The following CAMK4 variants were observed in gnomAD, a reference collection of about 807,000 sequenced individuals.
The protein encoded by CAMK4 is calcium/calmodulin-dependent protein kinase type IV.
Under a neutral mutation model 44.9 loss-of-function variants are expected in CAMK4, and 22 were observed. That is an observed-to-expected ratio of 0.49 (90% CI 0.35 to 0.70). The LOEUF (loss-of-function observed/expected upper bound fraction) is 0.70, where lower values mean the gene tolerates loss of function less well. Ranked by LOEUF, CAMK4 falls within the 30% of genes least tolerant of loss-of-function variation. The pLI, the probability that CAMK4 is intolerant of heterozygous loss-of-function variation, is 0.01. For missense variants in CAMK4, 498 were observed against 586.8 expected, an observed-to-expected ratio of 0.85 and a Z score of 1.56; for synonymous variants, 218 against 215.4, an observed-to-expected ratio of 1.01 and a Z score of -0.11.
chr5:111,298,960 ATCTC>A (rs1366471200), intron 1 of CAMK4, among the ~76,000 whole-genome samples: 1 of 152,236 alleles, frequency 6.6e-6, no homozygotes. Flanking sequence ...GATGGTGGGC[ATCTC>A]TAGGCTCTGG....
intron 8 of CAMK4, among the ~76,000 whole-genome samples, chr5:111,475,502 C>T (rs761909087): frequency 3.9e-5 from 6 of 152,102 alleles, no homozygotes; most frequent in Non-Finnish European, 7.4e-5. Flanking sequence ...TTTATTGTAA[C>T]CCTGAAGATA....
At chr5:111,314,750 C>T (rs530826013) in intron 1 of CAMK4, among the ~76,000 whole-genome samples, 39 of 152,030 alleles carry the variant, frequency 2.6e-4, no homozygotes, top group African/African-American at 9.4e-4. Flanking sequence ...TTGAAAATAC[C>T]ATTTCTGTCT....
chr5:111,399,544 A>G (rs1015160178), intron 5 of CAMK4, among the ~76,000 whole-genome samples: 4 of 152,236 alleles, frequency 2.6e-5, no homozygotes, highest in African/African-American at 9.6e-5. Flanking sequence ...AAAACAGTAC[A>G]TGACAAAGTA....
intron 1 of CAMK4, among the ~76,000 whole-genome samples, chr5:111,231,122 G>A (rs371620295): frequency 6.6e-5 from 10 of 152,194 alleles, no homozygotes; most frequent in African/African-American, 2.2e-4. Flanking sequence ...TCTAAATATC[G>A]AAGGCATAGT....
chr5:111,418,070 G>C (rs932042088), intron 5 of CAMK4, among the ~76,000 whole-genome samples: 1 of 152,054 alleles, frequency 6.6e-6, no homozygotes, highest in Non-Finnish European at 1.5e-5. Flanking sequence ...ATCTGTTGGG[G>C]AATCTGCCCC....
chr5:111,354,064 G>A (rs1304522304), intron 2 of CAMK4, among the ~76,000 whole-genome samples: 1 of 152,204 alleles, frequency 6.6e-6, no homozygotes, highest in Non-Finnish European at 1.5e-5. Context: ...GCTTCTGTCT[G>A]TCAAAAGATG....
At chr5:111,269,860 C>G (rs143412290) in intron 1 of CAMK4, 1 of 152,248 alleles carries the variant, frequency 6.6e-6, no homozygotes, top group Non-Finnish European at 1.5e-5. Flanking sequence ...CACAGGGAAG[C>G]GTGCCACTAA....
At chr5:111,414,411 G>GCAACAACAC (rs1580721047) in intron 5 of CAMK4, among the ~76,000 whole-genome samples, 1 of 152,158 alleles carries the variant, frequency 6.6e-6, no homozygotes, top group East Asian at 1.9e-4. Context: ...AGCAACAGCA[G>GCAACAACAC]CAACAACACC....
At chr5:111,266,178 C>T (rs959556143) in intron 1 of CAMK4, 1 of 145,044 alleles carries the variant, frequency 6.9e-6, no homozygotes, top group Non-Finnish European at 1.5e-5. Context: ...AGAAGGTTTC[C>T]TAAATAAATA....
chr5:111,279,518 T>C (rs918765538), intron 1 of CAMK4, among the ~76,000 whole-genome samples: 11 of 152,216 alleles, frequency 7.2e-5, no homozygotes, highest in African/African-American at 2.7e-4. Flanking sequence ...CAGAGAGTGA[T>C]CTTTTTCCTT....
chr5:111,360,556 A>T (rs1273100698), intron 2 of CAMK4, among the ~76,000 whole-genome samples: 1 of 152,126 alleles, frequency 6.6e-6, no homozygotes, highest in Non-Finnish European at 1.5e-5. Flanking sequence ...AATATCAGAG[A>T]TGGAGAAATA....
chr5:111,325,407 T>A (rs1254799539), intron 1 of CAMK4, among the ~76,000 whole-genome samples: 1 of 152,112 alleles, frequency 6.6e-6, no homozygotes, highest in Non-Finnish European at 1.5e-5. Context: ...CAAATGGTAT[T>A]TCTGGTTCTA....
At chr5:111,346,538 C>T (rs913991132) in intron 2 of CAMK4, among the ~76,000 whole-genome samples, 1 of 150,374 alleles carries the variant, frequency 6.7e-6, no homozygotes, top group African/African-American at 2.5e-5. Flanking sequence ...CTATTTCCAA[C>T]CATCTTGTTT....
At chr5:111,289,773 T>A (rs1488238458) in intron 1 of CAMK4, among the ~76,000 whole-genome samples, 1 of 152,238 alleles carries the variant, frequency 6.6e-6, no homozygotes, top group Non-Finnish European at 1.5e-5. Context: ...ATTATCACAG[T>A]GCACCAAAAG....
chr5:111,230,258 A>G (rs183515861), intron 1 of CAMK4, among the ~76,000 whole-genome samples: 221 of 152,074 alleles, frequency 1.5e-3, no homozygotes, highest in African/African-American at 5.0e-3. Flanking sequence ...AAATAATGTC[A>G]CTTTTCTGTT....
rs1217513799 is a variant in CAMK4 at position 111,487,138 on chromosome 5, A to T, written c.*2672A>T. On this transcript the variant is annotated 3_prime_UTR_variant, in exon 11 of 11. Coordinates refer to ENST00000282356, the MANE Select transcript of CAMK4 (RefSeq NM_001744.6). ...TTACTTAGCTAAATAATAGTAGACA[A>T]ATGGAGATTTAATTTCACAAAATAC... 1.3e-5 allele frequency: 2 copies of T among 152,230 alleles called. No homozygotes were observed. The highest frequency in any genetic ancestry group is 2.9e-5 in the Non-Finnish European group (2 of 68,028). The allele number at this position is 152,230 out of a possible 1,614,324, so 9.4% of individuals were successfully genotyped here.
intron 8 of CAMK4, 131 bp from the exon 9 acceptor site, chr5:111,478,250 A>G: frequency 2.0e-6 from 1 of 491,352 alleles, no homozygotes; most frequent in Non-Finnish European, 3.6e-6. Flanking sequence ...GCAGTTGCAT[A>G]CTTAAGCTGA....
Position 111,443,353 on chromosome 5 carries a change from T to A in CAMK4, c.460-3333T>A, listed in dbSNP as rs1195825629. 2.1e-5 allele frequency among the ~76,000 whole-genome samples: 3 copies of A among 141,256 alleles called. No individual in the cohort carries two copies. In the Admixed American group the frequency reaches 2.2e-4, roughly 10 times the overall value. 92.7% of individuals were successfully genotyped at this position (141,256 alleles called of 152,430 possible). ...CTATATATACTATATATATACTATA[T>A]ATATAGTATATATATATGAATATAT... On this transcript the variant is annotated intron_variant, in intron 5 of 10. Coordinates refer to ENST00000282356, the MANE Select transcript of CAMK4 (RefSeq NM_001744.6).
chr5:111,338,386 T>C (rs1466321889), intron 1 of CAMK4, among the ~76,000 whole-genome samples: 1 of 151,182 alleles, frequency 6.6e-6, no homozygotes, highest in Non-Finnish European at 1.5e-5. Flanking sequence ...GTGTCTCCAC[T>C]CCAATCCTCT....
Sources: gnomAD v4.1 joint callset for allele counts (sites outside exome capture counted in the v4.1 genomes callset) on GRCh38, gnomAD v4.1.1 for gene constraint, MANE v1.5 for transcripts, NCBI Gene and HGNC (gene_info 2026-07-23, HGNC 2026-07-21) for gene names.